The following CNTN5 variants were observed in gnomAD, a reference collection of about 807,000 sequenced individuals.
CNTN5 encodes the protein contactin 5, also known as contactin-5.
Under a neutral mutation model 129.1 loss-of-function variants are expected in CNTN5, and 77 were observed. That is an observed-to-expected ratio of 0.60 (90% CI 0.50 to 0.72). CNTN5 has a LOEUF of 0.72. Among genes scored for constraint, CNTN5 ranks in the 30% least tolerant of loss-of-function variants. The pLI is 0.00. For synonymous variants in CNTN5, 509 were observed against 465.6 expected, an observed-to-expected ratio of 1.09 and a Z score of -1.20; for missense variants, 1,478 against 1,328.8, an observed-to-expected ratio of 1.11 and a Z score of -1.75.
chr11:99,344,247 T>G lies in CNTN5; in HGVS notation c.-71+18763T>G, dbSNP rs552857045. Among the ~76,000 whole-genome samples, 42 of 152,312 alleles carry G rather than the reference T, an allele frequency of 2.8e-4. 1 individual carries two copies. In the South Asian group the frequency reaches 8.7e-3, roughly 32 times the overall value. On this transcript the variant is annotated intron_variant, in intron 2 of 24. Transcript: ENST00000524871. ...GATAAGTAAAATTAAGGATCTGTAT[T>G]TTCAAAAACCTTTTACCAGACATAT...
At chr11:99,996,238 T>G (rs972571188) in intron 8 of CNTN5, among the ~76,000 whole-genome samples, 1 of 152,176 alleles carries the variant, frequency 6.6e-6, no homozygotes, top group Non-Finnish European at 1.5e-5. Context: ...TTATTACTAT[T>G]ATTACAGCTC....
Position 100,236,344 on chromosome 11 carries a change from T to TG in CNTN5, c.2005+11533dup, listed in dbSNP as rs139092611. ...TCTGACCGAGGAAAGCCGCTGGCATTGCCCCAGTTTGGAACAGGACATGGA... is the reference window on the plus strand; with the variant it reads ...TCTGACCGAGGAAAGCCGCTGGCATTGGCCCCAGTTTGGAACAGGACATGGA... On this transcript the variant is annotated intron_variant, in intron 16 of 24. Transcript: ENST00000524871. Among the ~76,000 whole-genome samples the TG allele has an allele frequency of 4.4e-3, 664 of 152,240 alleles. 19 individuals are homozygous for TG. In the East Asian group the frequency reaches 0.057, roughly 13 times the overall value.
At chr11:100,302,543 T>A (rs560390341) in intron 20 of CNTN5, among the ~76,000 whole-genome samples, 2 of 151,710 alleles carry the variant, frequency 1.3e-5, no homozygotes, top group African/African-American at 4.8e-5. Context: ...TAGTTCCTCC[T>A]CTTCCTTTCA....
At chr11:99,734,017 T>G (rs1943619449) in intron 3 of CNTN5, among the ~76,000 whole-genome samples, 1 of 152,292 alleles carries the variant, frequency 6.6e-6, no homozygotes, top group Admixed American at 6.5e-5. Context: ...TATAGGCTTC[T>G]TACTGTGGTC....
intron 2 of CNTN5, among the ~76,000 whole-genome samples, chr11:99,448,196 T>C (rs1944148400): frequency 6.6e-6 from 1 of 152,098 alleles, no homozygotes; most frequent in South Asian, 2.1e-4. Flanking sequence ...CATCCATTGT[T>C]GGAAAAATAT....
intron 1 of CNTN5, among the ~76,000 whole-genome samples, chr11:99,213,517 G>A (rs947982136): frequency 4.0e-5 from 6 of 149,454 alleles, no homozygotes; most frequent in Admixed American, 2.7e-4. Flanking sequence ...TATTTCCTGA[G>A]GGTTGGCTCT....
chr11:99,575,467 A>G (rs1949314901), intron 3 of CNTN5, among the ~76,000 whole-genome samples: 1 of 152,174 alleles, frequency 6.6e-6, no homozygotes, highest in African/African-American at 2.4e-5. Flanking sequence ...CTAAATGTTT[A>G]CTAAGTGACA....
intron 2 of CNTN5, among the ~76,000 whole-genome samples, chr11:99,423,470 T>A (rs1418823763): frequency 6.6e-6 from 1 of 152,212 alleles, no homozygotes; most frequent in East Asian, 1.9e-4. Context: ...AAAATATTCA[T>A]ATACATTTCA....
intron 13 of CNTN5, among the ~76,000 whole-genome samples, chr11:100,158,453 T>A (rs1947330142): frequency 6.6e-6 from 1 of 151,868 alleles, no homozygotes; most frequent in Admixed American, 6.6e-5. Context: ...ATATCAAAAC[T>A]TCATGTTGTT....
At chr11:99,167,823 A>G (rs1860946602) in intron 1 of CNTN5, among the ~76,000 whole-genome samples, 1 of 152,192 alleles carries the variant, frequency 6.6e-6, no homozygotes, top group African/African-American at 2.4e-5. Context: ...CTATTTTGAT[A>G]TAACTATAAT....
chr11:99,710,549 G>T (rs1376076282), intron 3 of CNTN5, among the ~76,000 whole-genome samples: 2 of 71,392 alleles, frequency 2.8e-5, no homozygotes, highest in African/African-American at 4.1e-5. Context: ...GCTCTAGATT[G>T]TGTGTGTGTG....
chr11:99,428,579 G>GA (rs897496527), intron 2 of CNTN5, among the ~76,000 whole-genome samples: 2 of 145,376 alleles, frequency 1.4e-5, no homozygotes, highest in South Asian at 2.2e-4. Context: ...AAAAAAAAAG[G>GA]AAAAAAAAGA....
rs181629008 is a variant in CNTN5 at position 99,312,788 on chromosome 11, A to G, written c.-209-12558A>G. The stretch of plus-strand genomic sequence containing the variant: ...AATCCTACATGATAAATGAGAAGAA[A>G]AAAGGATTTAAGAGAAATTAAGTGA... On this transcript the variant is annotated intron_variant, in intron 1 of 24. Transcript: ENST00000524871. 8.2e-5 allele frequency among the ~76,000 whole-genome samples: 12 copies of G among 145,566 alleles called. No individual in the cohort carries two copies. The Admixed American group carries it at 8.4e-4, about 10-fold the overall frequency.
intron 1 of CNTN5, among the ~76,000 whole-genome samples, chr11:99,259,853 G>A (rs562216402): frequency 1.8e-4 from 27 of 151,800 alleles, no homozygotes; most frequent in African/African-American, 5.5e-4. Flanking sequence ...ACAATATCTC[G>A]TTATTTGAAA....
intron 1 of CNTN5, among the ~76,000 whole-genome samples, chr11:99,179,975 A>G (rs1193543091): frequency 1.3e-5 from 2 of 152,136 alleles, no homozygotes; most frequent in Non-Finnish European, 2.9e-5. Context: ...TATTCTCTCT[A>G]TATCTCCCTG....
chr11:99,944,416 G>C (rs989572375), intron 7 of CNTN5, among the ~76,000 whole-genome samples: 3 of 151,994 alleles, frequency 2.0e-5, no homozygotes, highest in Non-Finnish European at 4.4e-5. Context: ...ATACCGAATG[G>C]GCAAAAGCTG....
intron 18 of CNTN5, among the ~76,000 whole-genome samples, chr11:100,292,598 C>T (rs113872763): frequency 0.016 from 2,462 of 152,098 alleles, 72 homozygotes; most frequent in African/African-American, 0.057. Flanking sequence ...GGTTGTCTTG[C>T]TCCTGTCCTT....
At position 100,038,373 on chromosome 11, in the gene CNTN5, G is replaced by A. The variant is rs559261997; in HGVS notation, c.981-22839G>A. On this transcript the variant is annotated intron_variant, in intron 9 of 24. Transcript: ENST00000524871. ...TCTGTTCTTTTACATTTGCTGAGGA[G>A]TGCTTTACTTCCAACTATGTGGTCA... Among the ~76,000 whole-genome samples the A allele has an allele frequency of 3.0e-4, 46 of 152,290 alleles. No homozygotes were observed. In the East Asian group the frequency reaches 8.7e-3, roughly 29 times the overall value.
chr11:100,331,067 T>A lies in CNTN5; in HGVS notation c.2731-9396T>A, dbSNP rs34960148. Among the ~76,000 whole-genome samples the A allele has an allele frequency of 9.3e-3, 1,417 of 152,248 alleles. 18 individuals carry two copies. The highest frequency in any genetic ancestry group is 0.027 in the Middle Eastern group (8 of 294). On this transcript the variant is annotated intron_variant, in intron 21 of 24. Transcript: ENST00000524871. The stretch of plus-strand genomic sequence containing the variant: ...AATAGATAAAAATTCACCAACTAAG[T>A]TTCTGCTGTCCTCAGGAGACTTGCC...
Sources: allele counts gnomAD v4.1 joint callset (sites outside exome capture counted in the v4.1 genomes callset), GRCh38; gene constraint gnomAD v4.1.1; transcripts MANE v1.5; gene names NCBI Gene and HGNC (gene_info 2026-07-23, HGNC 2026-07-21).